The following EML5 variants were observed in gnomAD, a reference collection of about 807,000 sequenced individuals.
EML5 encodes echinoderm microtubule-associated protein-like 5.
Under a neutral mutation model 250.0 loss-of-function variants are expected in EML5, and 120 were observed. The observed-to-expected ratio is 0.48, with a 90% CI of 0.41 to 0.56. EML5 has a LOEUF of 0.56. Among genes scored for constraint, EML5 ranks in the 20% least tolerant of loss-of-function variants. The probability of loss-of-function intolerance (pLI) is 0.00; values close to 1 mark genes in which losing one functional copy is unlikely to be tolerated. For missense variants in EML5, 2,006 were observed against 2,437.6 expected, an observed-to-expected ratio of 0.82 and a Z score of 3.73; for synonymous variants, 771 against 806.5, an observed-to-expected ratio of 0.96 and a Z score of 0.75.
chr14:88,761,610 G>T (rs976974892), intron 1 of EML5, among the ~76,000 whole-genome samples: 1 of 152,142 alleles, frequency 6.6e-6, no homozygotes, highest in Admixed American at 6.5e-5. Context: ...TGGGCATTTG[G>T]GTTGGTTCCA....
rs781706117 is a variant in EML5, at chr14:88,685,075, G to C, written c.2922C>G (p.Gly974=). The C allele has an allele frequency of 1.2e-6, 2 of 1,611,196 alleles. No individual in the cohort carries two copies. Among genetic ancestry groups the C allele is most frequent in the Non-Finnish European group, 1.7e-6 (2 of 1,178,464 alleles). The change falls in exon 20 of 44, where the codon GGC becomes GGG. Residue 974 remains glycine, a synonymous_variant. Transcript: ENST00000554922. ...CTTCTAGTATTTCACCATTCTTTGT[G>C]CCAACTAAAATATGACCATGTCCTA... is the stretch of plus-strand genomic sequence containing the variant. ...ISLGHGHILV[G]TKNGEILEVD... is the part of the protein sequence containing the mutation.
chr14:88,702,770 C>T (rs1309546640), intron 13 of EML5, 138 bp from the exon 14 acceptor site: 2 of 601,160 alleles, frequency 3.3e-6, no homozygotes, highest in African/African-American at 3.8e-5. Flanking sequence ...AATTTTTTTT[C>T]AAGAGATGGG....
At chr14:88,760,399 C>T (rs1220817355) in intron 1 of EML5, among the ~76,000 whole-genome samples, 3 of 152,066 alleles carry the variant, frequency 2.0e-5, no homozygotes. Flanking sequence ...CTTTCCAGCA[C>T]CATGTATTGA....
At chr14:88,618,518 T>A in intron 40 of EML5, 132 bp downstream of exon 40, 1 of 1,179,508 alleles carries the variant, frequency 8.5e-7, no homozygotes, top group South Asian at 1.6e-5. Flanking sequence ...AGGGGAGCTG[T>A]AGGTCAGAAG....
At chr14:88,667,614 A>G (rs1407481901) in intron 21 of EML5, among the ~76,000 whole-genome samples, 3 of 152,148 alleles carry the variant, frequency 2.0e-5, no homozygotes, top group Non-Finnish European at 2.9e-5. Context: ...TGGGCCTCAC[A>G]GACTTTTTTG....
chr14:88,705,588 T>C lies in EML5; in HGVS notation c.1826A>G (p.Glu609Gly). 4 of 1,571,094 alleles carry C rather than the reference T, an allele frequency of 2.5e-6. No homozygotes were observed. Among genetic ancestry groups the C allele is most frequent in the Non-Finnish European group, 3.5e-6 (4 of 1,155,604 alleles). The change falls in exon 12 of 44, where the codon GAA (glutamate) becomes GGA (glycine). Residue 609 changes from glutamate to glycine, a missense_variant and splice_region_variant. By Grantham distance (98) the Glu-to-Gly change is moderately conservative. Around this residue, in one of 7 missense-constraint regions of EML5, gnomAD observed 1,375 missense variants for 1,590.3 expected, o/e 0.86. Coordinates refer to ENST00000554922, the MANE Select transcript of EML5 (RefSeq NM_183387.3). ...LKDAVHIAPQESLADSHSDES... is the reference protein window; with the variant it reads ...LKDAVHIAPQGSLADSHSDES... ...ATCACTATGAGAGTCAGCCAGACTT[T>C]CTGTAATTTTTAAAAATGAAATGTT...
intron 1 of EML5, among the ~76,000 whole-genome samples, chr14:88,787,090 C>G (rs2094558763): frequency 6.6e-6 from 1 of 152,190 alleles, no homozygotes; most frequent in South Asian, 2.1e-4. Context: ...TAACACAAAA[C>G]CACTGCACAC....
intron 21 of EML5, among the ~76,000 whole-genome samples, chr14:88,675,077 T>G (rs919542418): frequency 1.6e-4 from 25 of 152,228 alleles, no homozygotes; most frequent in African/African-American, 6.0e-4. Flanking sequence ...AGGCTGGCAT[T>G]CAGTGCCTGT....
In EML5 at chr14:88,792,266, C is replaced by A. The variant is rs779264400; in HGVS notation, c.197+41G>T. ...AACCCGCGGGTGCAAACTCCGGGAG[C>A]GGCTTGCAGGGTGACGGCGGCGGCC... is the stretch of plus-strand genomic sequence containing the variant. On this transcript the variant is annotated intron_variant, in intron 1 of 43. Transcript: ENST00000554922. The surrounding 1 kb of genome is among the most constrained non-coding windows in gnomAD (Gnocchi z 6.9). 12 of 1,529,922 alleles carry A rather than the reference C, an allele frequency of 7.8e-6. No homozygotes were observed. Among genetic ancestry groups the A allele is most frequent in the Middle Eastern group, 2.3e-4 (1 of 4,326 alleles). The allele number at this position is 1,529,922 out of a possible 1,614,324, so 94.8% of individuals were successfully genotyped here.
At chr14:88,734,000 C>G (rs1308984411) in intron 7 of EML5, among the ~76,000 whole-genome samples, 1 of 151,520 alleles carries the variant, frequency 6.6e-6, no homozygotes, top group African/African-American at 2.4e-5. Flanking sequence ...CCTAAAACAA[C>G]CTACACGAAG....
chr14:88,670,319 CAAAAAAA>C (rs34008480), intron 21 of EML5, among the ~76,000 whole-genome samples: 1 of 81,254 alleles, frequency 1.2e-5, no homozygotes, highest in African/African-American at 4.4e-5. Flanking sequence ...GACTCCATCT[CAAAAAAA>C]AAAAAAAAAA....
At chr14:88,688,208 C>T in intron 18 of EML5, 63 bp downstream of exon 18, 1 of 1,553,688 alleles carries the variant, frequency 6.4e-7, no homozygotes, top group South Asian at 1.1e-5. Flanking sequence ...TCCTTTACTT[C>T]TTAAAATGCT....
intron 7 of EML5, among the ~76,000 whole-genome samples, chr14:88,733,902 T>C (rs1451766226): frequency 1.3e-5 from 2 of 152,110 alleles, no homozygotes; most frequent in African/African-American, 4.8e-5. Context: ...GATTTCTCTA[T>C]GATACAATCC....
intron 24 of EML5, among the ~76,000 whole-genome samples, chr14:88,662,560 T>TA (rs1555430096): frequency 0.22 from 32,087 of 144,212 alleles, 4,523 homozygotes; most frequent in East Asian, 0.48. Context: ...TTTTTTTTTT[T>TA]AATACAGGGT....
intron 32 of EML5, 78 bp from the exon 33 acceptor site, chr14:88,634,567 A>G: frequency 1.2e-6 from 1 of 816,984 alleles, no homozygotes; most frequent in South Asian, 2.4e-5. Context: ...ATTAATTATA[A>G]TTTAAACTAT....
At chr14:88,788,015 T>C (rs896090318) in intron 1 of EML5, among the ~76,000 whole-genome samples, 1 of 152,202 alleles carries the variant, frequency 6.6e-6, no homozygotes, top group African/African-American at 2.4e-5. Flanking sequence ...CTTTGTGCGT[T>C]TGAGCAAAAG....
chr14:88,732,138 C>T (rs2140152485), intron 7 of EML5, among the ~76,000 whole-genome samples: 1 of 152,282 alleles, frequency 6.6e-6, no homozygotes, highest in African/African-American at 2.4e-5. Flanking sequence ...GAAGTCCTTG[C>T]CCATGCCTAT....
At chr14:88,703,573 G>A (rs972579579) in intron 13 of EML5, among the ~76,000 whole-genome samples, 1 of 152,122 alleles carries the variant, frequency 6.6e-6, no homozygotes, top group Admixed American at 6.5e-5. Flanking sequence ...AGAAACTACT[G>A]CCATTTTAAC....
At chr14:88,705,432 A>C (rs2093298734) in intron 12 of EML5, 50 bp downstream of exon 12, 2 of 1,325,524 alleles carry the variant, frequency 1.5e-6, no homozygotes, top group Admixed American at 3.9e-5. Context: ...GAGCAAGATA[A>C]AGAAGAAATT....
Sources: gnomAD v4.1 joint callset for allele counts (sites outside exome capture counted in the v4.1 genomes callset) on GRCh38, gnomAD v4.1.1 for gene constraint, gnomAD v4.1.1 regional missense constraint, Gnocchi (gnomAD v3.1) non-coding constraint, MANE v1.5 for transcripts, NCBI Gene and HGNC (gene_info 2026-07-23, HGNC 2026-07-21) for gene names.